The following AKAP6 variants were observed in gnomAD, a reference collection of about 807,000 sequenced individuals.
AKAP6 encodes A-kinase anchor protein 6.
AKAP6 carries 58 observed loss-of-function variants against 188.5 expected under a neutral mutation model. That is an observed-to-expected ratio of 0.31 (90% CI 0.25 to 0.38). AKAP6 has a LOEUF of 0.38. Among genes scored for constraint, AKAP6 ranks in the 10% least tolerant of loss-of-function variants. The pLI is 1.00. For synonymous variants in AKAP6, 989 were observed against 998.6 expected, an observed-to-expected ratio of 0.99 and a Z score of 0.18; for missense variants, 2,710 against 2,740.0, an observed-to-expected ratio of 0.99 and a Z score of 0.24.
chr14:32,330,607 A>G (rs1319166956), intron 1 of AKAP6, among the ~76,000 whole-genome samples: 1 of 151,966 alleles, frequency 6.6e-6, no homozygotes, highest in Non-Finnish European at 1.5e-5. Flanking sequence ...GTCTTACACG[A>G]AAGAATGGCA....
intron 2 of AKAP6, among the ~76,000 whole-genome samples, chr14:32,455,786 G>A (rs1891127940): frequency 6.6e-6 from 1 of 152,064 alleles, no homozygotes; most frequent in Non-Finnish European, 1.5e-5. Context: ...GTTTTTATCA[G>A]TTCTGTCCTA....
At chr14:32,656,832 G>A (rs1888473006) in intron 7 of AKAP6, among the ~76,000 whole-genome samples, 1 of 152,156 alleles carries the variant, frequency 6.6e-6, no homozygotes, top group South Asian at 2.1e-4. Flanking sequence ...TTTGTCACAT[G>A]TTTATAAAGC....
In AKAP6 at chr14:32,616,241, C is replaced by T. The variant is rs148371880; in HGVS notation, c.2730+15449C>T. On this transcript the variant is annotated intron_variant, in intron 7 of 13. Coordinates refer to ENST00000280979, the MANE Select transcript of AKAP6 (RefSeq NM_004274.5). ...TGGAACTACCATTCAACCCAGCAAT[C>T]GCATTACTGGGTATATATCCAAAGG... is the stretch of plus-strand genomic sequence containing the variant. Among the ~76,000 whole-genome samples, 681 of 152,192 alleles carry T rather than the reference C, an allele frequency of 4.5e-3. 3 individuals carry two copies. Among genetic ancestry groups the T allele is most frequent in the African/African-American group, 0.014 (566 of 41,508 alleles).
At chr14:32,745,947 A>T (rs1245758893) in intron 11 of AKAP6, among the ~76,000 whole-genome samples, 1 of 152,154 alleles carries the variant, frequency 6.6e-6, no homozygotes, top group Non-Finnish European at 1.5e-5. Context: ...CCCTATGGCC[A>T]CCAGCACAGA....
chr14:32,714,530 G>A (rs778496723), intron 9 of AKAP6, among the ~76,000 whole-genome samples: 1 of 151,882 alleles, frequency 6.6e-6, no homozygotes, highest in Non-Finnish European at 1.5e-5. Flanking sequence ...TATATTTTAT[G>A]AAACTTCTTA....
intron 2 of AKAP6, among the ~76,000 whole-genome samples, chr14:32,456,208 C>T (rs770139434): frequency 7.9e-5 from 12 of 151,880 alleles, no homozygotes; most frequent in Non-Finnish European, 1.8e-4. Context: ...AATGTTTTCA[C>T]GGTGTCTTAT....
chr14:32,380,747 G>A (rs1280877878), intron 1 of AKAP6, among the ~76,000 whole-genome samples: 1 of 152,158 alleles, frequency 6.6e-6, no homozygotes, highest in East Asian at 1.9e-4. Context: ...TGCTGCTAGA[G>A]TCCTGTCACG....
chr14:32,370,815 G>A (rs1234148431), intron 1 of AKAP6, among the ~76,000 whole-genome samples: 1 of 152,134 alleles, frequency 6.6e-6, no homozygotes. Context: ...GAAAAGACTT[G>A]GGCAGATTTT....
At chr14:32,701,953 A>T (rs35249997) in intron 9 of AKAP6, among the ~76,000 whole-genome samples, 18,776 of 152,174 alleles carry the variant, frequency 0.12, 1,229 homozygotes, top group Admixed American at 0.15. Context: ...TAGAAGGACG[A>T]GTCAAAAAAT....
intron 9 of AKAP6, among the ~76,000 whole-genome samples, chr14:32,729,107 G>A (rs2031037346): frequency 6.6e-6 from 1 of 152,050 alleles, no homozygotes; most frequent in African/African-American, 2.4e-5. Context: ...AAGGCATCTT[G>A]TTCCTTAACA....
At chr14:32,578,628 A>C (rs554910860) in intron 5 of AKAP6, among the ~76,000 whole-genome samples, 47 of 152,320 alleles carry the variant, frequency 3.1e-4, no homozygotes, top group African/African-American at 1.0e-3. Context: ...CAGAAATTCT[A>C]ATCTGTGTTT....
chr14:32,396,930 T>G (rs576254138), intron 1 of AKAP6, among the ~76,000 whole-genome samples: 102 of 152,280 alleles, frequency 6.7e-4, no homozygotes, highest in African/African-American at 2.4e-3. Context: ...TTCTAACTTA[T>G]TAACAAACAA....
At chr14:32,648,335 T>G (rs1566624677) in intron 7 of AKAP6, among the ~76,000 whole-genome samples, 1 of 152,170 alleles carries the variant, frequency 6.6e-6, no homozygotes, top group Non-Finnish European at 1.5e-5. Flanking sequence ...GAATTATGAT[T>G]TGCCTATATA....
At chr14:32,493,286 A>G (rs4246973) in intron 2 of AKAP6, among the ~76,000 whole-genome samples, 116,681 of 152,028 alleles carry the variant, frequency 0.77, 44,901 homozygotes, top group East Asian at 0.93. Flanking sequence ...GGTGCACTGC[A>G]GCCTTGACTT....
intron 13 of AKAP6, among the ~76,000 whole-genome samples, chr14:32,828,563 A>C (rs1420539221): frequency 7.2e-6 from 1 of 137,964 alleles, no homozygotes; most frequent in South Asian, 2.5e-4. Context: ...ACACACACAC[A>C]CACACACACT....
chr14:32,654,971 A>G (rs945304686), intron 7 of AKAP6, among the ~76,000 whole-genome samples: 2 of 152,218 alleles, frequency 1.3e-5, no homozygotes, highest in Non-Finnish European at 2.9e-5. Flanking sequence ...ATTTGCAACC[A>G]CAATCTTGTT....
chr14:32,366,384 G>T (rs367862512), intron 1 of AKAP6, among the ~76,000 whole-genome samples: 6 of 152,188 alleles, frequency 3.9e-5, no homozygotes, highest in East Asian at 1.9e-4. Flanking sequence ...TGGGTTAAAA[G>T]TCTCATCCAG....
At chr14:32,570,443 G>T (rs558172925) in intron 4 of AKAP6, among the ~76,000 whole-genome samples, 2 of 151,992 alleles carry the variant, frequency 1.3e-5, no homozygotes, top group South Asian at 2.1e-4. Context: ...CGCCTGGCCC[G>T]TGTGGGGACT....
intron 9 of AKAP6, among the ~76,000 whole-genome samples, chr14:32,722,327 C>A (rs1274172875): frequency 6.6e-6 from 1 of 152,074 alleles, no homozygotes; most frequent in Non-Finnish European, 1.5e-5. Context: ...CTAATATATC[C>A]ATTACCTTTC....
Sources: gnomAD v4.1 joint callset for allele counts (sites outside exome capture counted in the v4.1 genomes callset) on GRCh38, gnomAD v4.1.1 for gene constraint, MANE v1.5 for transcripts, NCBI Gene and HGNC (gene_info 2026-07-23, HGNC 2026-07-21) for gene names.